Variants in OPCML observed in about 807,000 individuals in gnomAD.
The protein encoded by OPCML is opioid binding protein/cell adhesion molecule like.
OPCML carries 13 observed loss-of-function variants against 37.8 expected under a neutral mutation model. That is an observed-to-expected ratio of 0.34 (90% CI 0.22 to 0.55). The LOEUF is 0.55. OPCML is among the 20% of genes least tolerant of loss of function. OPCML has a pLI of 0.91. For synonymous variants in OPCML, 176 were observed against 168.8 expected (o/e 1.04, Z -0.33); for missense variants, 341 against 435.6 (o/e 0.78, Z 1.93).
At chr11:133,329,733 A>C (rs866873464) in intron 1 of OPCML, among the ~76,000 whole-genome samples, 5,504 of 152,140 alleles carry the variant, frequency 0.036, 118 homozygotes, top group Middle Eastern at 0.048. Context: ...ACCATAAAAA[A>C]CCTAGAAGAA....
intron 1 of OPCML, among the ~76,000 whole-genome samples, chr11:132,986,719 T>C (rs1450839696): frequency 2.0e-5 from 3 of 152,202 alleles, no homozygotes; most frequent in African/African-American, 7.2e-5. Context: ...TGGAAATTGG[T>C]ACTTGGTTCA....
At chr11:132,982,610 C>T (rs1287496367) in intron 1 of OPCML, among the ~76,000 whole-genome samples, 1 of 151,882 alleles carries the variant, frequency 6.6e-6, no homozygotes, top group Non-Finnish European at 1.5e-5. Context: ...GAGCTGGGTT[C>T]TTTGGATAAG....
chr11:132,541,450 G>C (rs1486498412), intron 3 of OPCML, among the ~76,000 whole-genome samples: 2 of 151,932 alleles, frequency 1.3e-5, no homozygotes, highest in Non-Finnish European at 2.9e-5. Flanking sequence ...AATATAAAAG[G>C]GTTTTTGTCA....
chr11:132,568,795 C>T (rs1414295693), intron 3 of OPCML, among the ~76,000 whole-genome samples: 1 of 152,064 alleles, frequency 6.6e-6, no homozygotes, highest in Non-Finnish European at 1.5e-5. Flanking sequence ...CCCTGTGAAA[C>T]TAACGCAGCT....
At chr11:133,028,435 G>A (rs1389280074) in intron 1 of OPCML, among the ~76,000 whole-genome samples, 1 of 151,880 alleles carries the variant, frequency 6.6e-6, no homozygotes, top group Non-Finnish European at 1.5e-5. Context: ...ATCCCACCAC[G>A]CCACTCACTT....
At chr11:133,356,679 T>C (rs1944298496) in intron 1 of OPCML, among the ~76,000 whole-genome samples, 2 of 152,206 alleles carry the variant, frequency 1.3e-5, no homozygotes, top group African/African-American at 4.8e-5. Context: ...TCAGCCCCTC[T>C]AAATAGCTTT....
At chr11:133,124,197 A>G (rs1949464404) in intron 1 of OPCML, among the ~76,000 whole-genome samples, 1 of 152,154 alleles carries the variant, frequency 6.6e-6, no homozygotes, top group Non-Finnish European at 1.5e-5. Flanking sequence ...CATTTTAAGA[A>G]AGTGAATTTA....
chr11:132,807,731 T>C (rs1469443756), intron 2 of OPCML, among the ~76,000 whole-genome samples: 5 of 152,202 alleles, frequency 3.3e-5, no homozygotes, highest in Admixed American at 2.0e-4. Flanking sequence ...ACCATTCTTC[T>C]CTGGGACTCT....
At chr11:132,707,978 G>C (rs891583997) in intron 2 of OPCML, among the ~76,000 whole-genome samples, 11 of 152,128 alleles carry the variant, frequency 7.2e-5, no homozygotes, top group Non-Finnish European at 1.3e-4. Context: ...GAATTACTTA[G>C]AGGAAATGAG....
intron 2 of OPCML, among the ~76,000 whole-genome samples, chr11:132,671,371 G>A (rs1942470890): frequency 6.6e-6 from 1 of 152,106 alleles, no homozygotes; most frequent in Non-Finnish European, 1.5e-5. Context: ...GAAAAGCCCA[G>A]AGAGATATTC....
In OPCML at chr11:133,211,342, C is replaced by A. The variant is rs1939350897; in HGVS notation, c.62-268332G>T. Among the ~76,000 whole-genome samples the A allele has an allele frequency of 6.6e-6, 1 of 152,176 alleles. No homozygotes were observed. The highest frequency in any genetic ancestry group is 2.4e-5 in the African/African-American group (1 of 41,434). On this transcript the variant is annotated intron_variant, in intron 1 of 7. Transcript: ENST00000524381. This position sits in a 1 kb window ranked among gnomAD's most constrained non-coding sequence, Gnocchi z 4.1. ...TTTAAGCATAATAGTCTATTGATTA[C>A]CTCAGTTATTGAACCCTGGGAAGTT...
chr11:132,484,010 A>C (rs2096190533), intron 4 of OPCML, among the ~76,000 whole-genome samples: 1 of 152,156 alleles, frequency 6.6e-6, no homozygotes, highest in Non-Finnish European at 1.5e-5. Context: ...GGCATGGGCA[A>C]GGACTTCATG....
At chr11:132,603,554 C>T (rs1424682481) in intron 3 of OPCML, among the ~76,000 whole-genome samples, 1 of 152,222 alleles carries the variant, frequency 6.6e-6, no homozygotes, top group Non-Finnish European at 1.5e-5. Flanking sequence ...CCCTGTTTCC[C>T]TGTTCTCCAA....
At chr11:132,947,052 C>T (rs1283163646) in intron 1 of OPCML, among the ~76,000 whole-genome samples, 1 of 152,120 alleles carries the variant, frequency 6.6e-6, no homozygotes, top group Non-Finnish European at 1.5e-5. Flanking sequence ...CCTCAAGGCT[C>T]GCAGCTCTGC....
At chr11:133,476,510 T>C (rs955233943) in intron 1 of OPCML, among the ~76,000 whole-genome samples, 2 of 152,172 alleles carry the variant, frequency 1.3e-5, no homozygotes, top group African/African-American at 2.4e-5. Flanking sequence ...TCATTCGTAG[T>C]GAATTTGCCT....
At chr11:133,382,918 G>A (rs1302005390) in intron 1 of OPCML, among the ~76,000 whole-genome samples, 1 of 152,166 alleles carries the variant, frequency 6.6e-6, no homozygotes, top group African/African-American at 2.4e-5. Flanking sequence ...GCTACTCTAG[G>A]TGACCTCCTT....
At chr11:133,244,369 C>A (rs77743652) in intron 1 of OPCML, among the ~76,000 whole-genome samples, 1 of 151,944 alleles carries the variant, frequency 6.6e-6, no homozygotes, top group Non-Finnish European at 1.5e-5. Context: ...GTTTGCCAAG[C>A]ACCCCCAAAA....
rs549036792 is a variant in OPCML at position 132,916,728 on chromosome 11, C to G, written c.146+26198G>C. On this transcript the variant is annotated intron_variant, in intron 2 of 7. Transcript: ENST00000524381. Reference sequence around the variant, plus strand: ...AAGTAAAGAGAATGTCATAGAAGACCATCTAAGACTTTGTAGGGGTGTTCG... The same window carrying G: ...AAGTAAAGAGAATGTCATAGAAGACGATCTAAGACTTTGTAGGGGTGTTCG... Among the ~76,000 whole-genome samples the G allele has an allele frequency of 2.0e-5, 3 of 152,150 alleles. No individual in the cohort carries two copies. In the South Asian group the frequency reaches 6.2e-4, roughly 32 times the overall value.
intron 1 of OPCML, among the ~76,000 whole-genome samples, chr11:133,106,483 T>G (rs1008508156): frequency 6.6e-6 from 1 of 152,218 alleles, no homozygotes; most frequent in African/African-American, 2.4e-5. Flanking sequence ...TTTATGCACA[T>G]CGCATCCTTG....
Sources: gnomAD v4.1 joint callset for allele counts (sites outside exome capture counted in the v4.1 genomes callset) on GRCh38, gnomAD v4.1.1 for gene constraint, Gnocchi (gnomAD v3.1) non-coding constraint, MANE v1.5 for transcripts, NCBI Gene and HGNC (gene_info 2026-07-23, HGNC 2026-07-21) for gene names.